SLC35F5: variants seen among roughly 807,000 people sequenced by gnomAD.
The protein encoded by SLC35F5 is solute carrier family 35 member F5, also known as HCV NS5A-transactivated protein 3.
In SLC35F5, 54 loss-of-function variants were observed where a neutral mutation model predicts 68.6. That is an observed-to-expected ratio of 0.79 (90% CI 0.63 to 0.99). The LOEUF (loss-of-function observed/expected upper bound fraction) is 0.99. Ranked by LOEUF, SLC35F5 falls within the 50% of genes least tolerant of loss-of-function variation. The pLI is 0.00. For missense variants in SLC35F5, 567 were observed against 626.9 expected, an observed-to-expected ratio of 0.90 and a Z score of 1.02; for synonymous variants, 211 against 205.2, an observed-to-expected ratio of 1.03 and a Z score of -0.24.
At chr2:113,738,360 T>G (rs1172215890) in intron 7 of SLC35F5, among the ~76,000 whole-genome samples, 2 of 152,222 alleles carry the variant, frequency 1.3e-5, no homozygotes, top group Non-Finnish European at 2.9e-5. Context: ...TGACATTCTA[T>G]GCCTGGCTTA....
rs1574203764 is a variant in SLC35F5, at chr2:113,715,032, T to C, written c.*186A>G. The C allele has an allele frequency of 6.6e-6, 1 of 152,616 alleles. No individual in the cohort carries two copies. Among genetic ancestry groups the C allele is most frequent in the Non-Finnish European group, 1.5e-5 (1 of 68,006 alleles). 9.5% of individuals were successfully genotyped at this position (152,616 alleles called of 1,614,324 possible). On this transcript the variant is annotated 3_prime_UTR_variant, in exon 16 of 16. Transcript: ENST00000245680. Reference sequence around the variant, plus strand: ...CTGTAGTGATATGTACACAGCTACATAGCAAAGTGCTTCATTATGAAAATG... The same window carrying C: ...CTGTAGTGATATGTACACAGCTACACAGCAAAGTGCTTCATTATGAAAATG...
chr2:113,755,076 C>T (rs1211325830), intron 3 of SLC35F5, 89 bp downstream of exon 3: 1 of 1,315,696 alleles, frequency 7.6e-7, no homozygotes, highest in Non-Finnish European at 1.0e-6. Context: ...TTTTAGAAAG[C>T]AGGAGATTGT....
intron 13 of SLC35F5, chr2:113,721,308 T>C (rs763279544): frequency 3.3e-5 from 5 of 151,768 alleles, no homozygotes; most frequent in Non-Finnish European, 5.9e-5. Flanking sequence ...GTTCTAGATA[T>C]GAAGACAATC....
At chr2:113,704,552 G>C (rs919377248), downstream of SLC35F5, among the ~76,000 whole-genome samples, 1 of 152,144 alleles carries the variant, frequency 6.6e-6, no homozygotes, top group Non-Finnish European at 1.5e-5. Context: ...CCTGCCCCGC[G>C]GGGAGGCAGC....
intron 11 of SLC35F5, among the ~76,000 whole-genome samples, chr2:113,726,927 C>T (rs1687687376): frequency 6.6e-6 from 1 of 152,140 alleles, no homozygotes; most frequent in Non-Finnish European, 1.5e-5. Context: ...AAAAATCACC[C>T]ACACAAATTC....
At chr2:113,746,622 C>CACTACTATA (rs1386866611) in intron 4 of SLC35F5, among the ~76,000 whole-genome samples, 2 of 152,056 alleles carry the variant, frequency 1.3e-5, no homozygotes. Context: ...CTTTTCGGAA[C>CACTACTATA]ACTACTATAA....
intron 12 of SLC35F5, among the ~76,000 whole-genome samples, chr2:113,724,882 G>A (rs971488467): frequency 2.6e-5 from 4 of 152,110 alleles, no homozygotes; most frequent in African/African-American, 9.7e-5. Flanking sequence ...ATCAATCAGA[G>A]TTTAAGGTTT....
Position 113,719,305 on chromosome 2 carries a change from G to A in SLC35F5, c.1345C>T (p.Gln449Ter). ...CCTGCAAAAAATAACCAAGAAAACT[G>A]CACCTAAAAATAAAAGATAGAGGAA... ...IIADMCMQKV[Q>*]FSWLFFAGAI... The change falls in exon 14 of 16, where the codon CAG becomes TAG. Residue 449 changes from glutamine (Q) to a stop codon, truncating the protein, a stop_gained. Transcript: ENST00000245680. LOFTEE classifies it high-confidence loss of function. 6.5e-7 allele frequency: 1 copy of A among 1,538,824 alleles called. No homozygotes were observed. The highest frequency in any genetic ancestry group is 8.6e-7 in the Non-Finnish European group (1 of 1,157,518).
At chr2:113,747,947 C>T (rs1396067014) in intron 4 of SLC35F5, among the ~76,000 whole-genome samples, 1 of 152,026 alleles carries the variant, frequency 6.6e-6, no homozygotes, top group Admixed American at 6.6e-5. Flanking sequence ...CAAAAATTAG[C>T]CGGGCATGGT....
At chr2:113,720,727 C>T (rs561099326) in intron 13 of SLC35F5, among the ~76,000 whole-genome samples, 9 of 152,050 alleles carry the variant, frequency 5.9e-5, no homozygotes, top group Admixed American at 2.0e-4. Context: ...ATAAATAATG[C>T]GATTAAAAAT....
intron 10 of SLC35F5, 51 bp from the exon 11 acceptor site, chr2:113,729,556 T>A: frequency 2.1e-6 from 2 of 958,996 alleles, no homozygotes; most frequent in Non-Finnish European, 3.3e-6. Context: ...TCATTCAATA[T>A]ACGCTTAAAA....
downstream of SLC35F5, chr2:113,703,704 T>C (rs1471342203): frequency 6.6e-6 from 1 of 152,234 alleles, no homozygotes; most frequent in African/African-American, 2.4e-5. Flanking sequence ...TACTTTGCTT[T>C]TGTTTCCTGG....
intron 10 of SLC35F5, among the ~76,000 whole-genome samples, chr2:113,731,292 T>C (rs910147254): frequency 1.3e-5 from 2 of 152,130 alleles, no homozygotes; most frequent in Non-Finnish European, 2.9e-5. Context: ...GTGGAAAAAG[T>C]GGCAAAATTT....
Position 113,707,922 on chromosome 2 carries a change from CA to C in SLC35F5, c.*7295del, listed in dbSNP as rs2104945582. On this transcript the variant is annotated 3_prime_UTR_variant, in exon 16 of 16. Coordinates refer to ENST00000245680, the MANE Select transcript of SLC35F5 (RefSeq NM_025181.5). ...ACCTTTATACTACAATGTATCCTGG[CA>C]CTTATTTTTTTTAAACCATTATCAG... Among the ~76,000 whole-genome samples, 1 of 152,222 alleles carries C rather than the reference CA, an allele frequency of 6.6e-6. No homozygotes were observed. Among genetic ancestry groups the C allele is most frequent in the East Asian group, 1.9e-4 (1 of 5,176 alleles).
Position 113,717,802 on chromosome 2 carries a change from A to G in SLC35F5, c.1545T>C (p.Ser515=). ...AACTAGCTCCATCCTCCTGAGAAAC[A>G]CTGTGCATAGAAATGAGACTCTCAC... ...EQCESLISMH[S]VSQEDGAS Residue 515 remains serine (S), a synonymous_variant, in exon 15 of 16, where the codon AGT becomes AGC. Coordinates refer to ENST00000245680, the MANE Select transcript of SLC35F5 (RefSeq NM_025181.5). 6.2e-7 allele frequency: 1 copy of G among 1,613,430 alleles called. No homozygotes were observed. The highest frequency in any genetic ancestry group is 1.1e-5 in the South Asian group (1 of 90,966).
downstream of SLC35F5, among the ~76,000 whole-genome samples, chr2:113,704,826 C>G (rs1686767508): frequency 6.6e-6 from 1 of 152,152 alleles, no homozygotes; most frequent in African/African-American, 2.4e-5. Context: ...CCGCCTCCGG[C>G]CTCGGCCAGC....
At chr2:113,739,072 C>T (rs112021825) in intron 7 of SLC35F5, among the ~76,000 whole-genome samples, 8 of 152,062 alleles carry the variant, frequency 5.3e-5, no homozygotes, top group African/African-American at 9.7e-5. Flanking sequence ...AACAGCACTG[C>T]TCTTAACCTT....
In SLC35F5 at chr2:113,731,639, G is replaced by C; in HGVS notation, c.930C>G (p.Gly310=). The change falls in exon 10 of 16, where the codon GGC becomes GGG. Residue 310 remains glycine, a synonymous_variant. Coordinates refer to ENST00000245680, the MANE Select transcript of SLC35F5 (RefSeq NM_025181.5). ...ACCCTGCCAGGTTTACCAGTACAAC[G>C]CCTCCAATGCTATGAGAATAACAGT... ...KLLAVILSIG[G]VVLVNLAGSE... is the part of the protein sequence containing the mutation. 3.7e-6 allele frequency: 6 copies of C among 1,612,136 alleles called. No individual in the cohort carries two copies. The highest frequency in any genetic ancestry group is 5.1e-6 in the Non-Finnish European group (6 of 1,178,514).
rs1686933884 is a variant in SLC35F5 at position 113,710,060 on chromosome 2, C to T, written c.*5158G>A. On this transcript the variant is annotated 3_prime_UTR_variant, in exon 16 of 16. Transcript: ENST00000245680. ...TGAACTCCTGGGCTCACGTGATCCT[C>T]CTGCCTCAGTCTCCCAAAGCACTGG... Among the ~76,000 whole-genome samples, 1 of 152,132 alleles carries T rather than the reference C, an allele frequency of 6.6e-6. No homozygotes were observed. Among genetic ancestry groups the T allele is most frequent in the Non-Finnish European group, 1.5e-5 (1 of 68,036 alleles).
Sources: allele counts gnomAD v4.1 joint callset (sites outside exome capture counted in the v4.1 genomes callset), GRCh38; gene constraint gnomAD v4.1.1; transcripts MANE v1.5; gene names NCBI Gene and HGNC (gene_info 2026-07-23, HGNC 2026-07-21).